The following DRAM1 variants were observed in gnomAD, a reference collection of about 807,000 sequenced individuals.
The protein encoded by DRAM1 is DNA damage-regulated autophagy modulator protein 1.
In DRAM1, 25 loss-of-function variants were observed where a neutral mutation model predicts 28.5. The ratio of observed to expected loss-of-function variants is 0.88; its 90% CI spans 0.64 to 1.23. The LOEUF (loss-of-function observed/expected upper bound fraction) is 1.23, where lower values mean the gene tolerates loss of function less well. Among genes scored for constraint, DRAM1 ranks in the 50% most tolerant of loss-of-function variants. The pLI is 0.00. For synonymous variants in DRAM1, 113 were observed against 114.2 expected (o/e 0.99, Z 0.07); for missense variants, 249 against 299.2 (o/e 0.83, Z 1.24).
intron 1 of DRAM1, among the ~76,000 whole-genome samples, chr12:101,883,834 G>A (rs1262913518): frequency 6.6e-6 from 1 of 151,262 alleles, no homozygotes; most frequent in Non-Finnish European, 1.5e-5. Context: ...TACTCAGGAG[G>A]CTGAGGCAGA....
At chr12:101,920,491 C>T (rs920702312) in intron 6 of DRAM1, among the ~76,000 whole-genome samples, 2 of 152,156 alleles carry the variant, frequency 1.3e-5, no homozygotes, top group African/African-American at 2.4e-5. Flanking sequence ...TTTAATAGCT[C>T]TCCCACCAAT....
At position 101,877,859 on chromosome 12, in the gene DRAM1, A is replaced by G. The variant is rs1178200193; in HGVS notation, c.70A>G (p.Ile24Val). 4 of 1,547,448 alleles carry G rather than the reference A, an allele frequency of 2.6e-6. No homozygotes were observed. The highest frequency in any genetic ancestry group is 3.5e-6 in the Non-Finnish European group (4 of 1,144,896). Residue 24 changes from isoleucine (I) to valine (V), a missense_variant, in exon 1 of 7, where the codon ATT (isoleucine) becomes GTT (valine). Ile to Val is a conservative substitution (Grantham distance 29). Around this residue, in one of 3 missense-constraint regions of DRAM1, gnomAD observed 218 missense variants for 243.1 expected, o/e 0.90. Transcript: ENST00000258534. This position sits in a 1 kb window ranked among gnomAD's most constrained non-coding sequence, Gnocchi z 4.1. ...GGTGACCTGGTCGTCAGCCGCCTTC[A>G]TTATCTCCTACGTGGTCGCCGTGCT... Reference protein sequence around the residue: ...LLVTWSSAAFIISYVVAVLSG... With the variant: ...LLVTWSSAAFVISYVVAVLSG...
intron 3 of DRAM1, among the ~76,000 whole-genome samples, chr12:101,907,013 A>T (rs947751760): frequency 1.3e-5 from 2 of 151,430 alleles, no homozygotes; most frequent in African/African-American, 4.9e-5. Context: ...GATGGCAGGG[A>T]CAGGGAACTT....
chr12:101,883,061 T>C (rs566991353), intron 1 of DRAM1, among the ~76,000 whole-genome samples: 8 of 151,204 alleles, frequency 5.3e-5, no homozygotes, highest in South Asian at 2.2e-4. Context: ...AATACACTTA[T>C]ATGGAAAAAT....
At position 101,886,915 on chromosome 12, in the gene DRAM1, G is replaced by T. The variant is rs563995626; in HGVS notation, c.131+8995G>T. On this transcript the variant is annotated intron_variant, in intron 1 of 6. Coordinates refer to ENST00000258534, the MANE Select transcript of DRAM1 (RefSeq NM_018370.3). ...AATCCCAGTGCTTTGGGAGGCTGAG[G>T]TGGGCGGATCACTTGAGGTCAGGAG... 8.5e-5 allele frequency among the ~76,000 whole-genome samples: 13 copies of T among 152,304 alleles called. No homozygotes were observed. The East Asian group carries it at 1.5e-3, about 18-fold the overall frequency.
chr12:101,921,294 C>T lies in DRAM1; in HGVS notation c.*34C>T, dbSNP rs375376130. 535 of 1,578,768 alleles carry T rather than the reference C, an allele frequency of 3.4e-4. No homozygotes were observed. Among genetic ancestry groups the T allele is most frequent in the Non-Finnish European group, 4.4e-4 (500 of 1,148,104 alleles). On this transcript the variant is annotated 3_prime_UTR_variant, in exon 7 of 7. Coordinates refer to ENST00000258534, the MANE Select transcript of DRAM1 (RefSeq NM_018370.3). ...GAATTCAGTCTCACTCAGTGAATGT[C>T]GCAGGCCATTTCTAAAAGTGCTACA...
intron 1 of DRAM1, among the ~76,000 whole-genome samples, chr12:101,883,675 C>T (rs571305303): frequency 1.3e-3 from 195 of 151,350 alleles, no homozygotes; most frequent in Non-Finnish European, 2.0e-3. Context: ...GGCTCACTCA[C>T]GCCTGTAATC....
At chr12:101,906,936 G>A (rs900208243) in intron 3 of DRAM1, among the ~76,000 whole-genome samples, 1 of 151,716 alleles carries the variant, frequency 6.6e-6, no homozygotes, top group African/African-American at 2.4e-5. Context: ...GTATGTACAG[G>A]GTCTGCACCA....
intron 5 of DRAM1, among the ~76,000 whole-genome samples, chr12:101,918,427 A>G (rs992646137): frequency 1.3e-5 from 2 of 152,202 alleles, no homozygotes; most frequent in Admixed American, 1.3e-4. Context: ...TACTGGTACC[A>G]GAAGGAGGAA....
At chr12:101,916,310 G>C (rs7963912) in intron 5 of DRAM1, among the ~76,000 whole-genome samples, 9,080 of 152,248 alleles carry the variant, frequency 0.06, 911 homozygotes, top group African/African-American at 0.21. Flanking sequence ...TCCAGGAGAT[G>C]AAGACCAGTC....
intron 1 of DRAM1, among the ~76,000 whole-genome samples, chr12:101,881,482 C>T (rs928134098): frequency 3.3e-5 from 5 of 152,098 alleles, no homozygotes; most frequent in Admixed American, 2.0e-4. Flanking sequence ...AGTGTGCACC[C>T]CCATGCCAGG....
chr12:101,897,761 C>A, intron 1 of DRAM1, 102 bp from the exon 2 acceptor site: 2 of 783,934 alleles, frequency 2.6e-6, no homozygotes, highest in Non-Finnish European at 4.3e-6. Context: ...AGTGGCTGAA[C>A]ACCTAAAAGA....
At chr12:101,890,896 G>A (rs950626575) in intron 1 of DRAM1, among the ~76,000 whole-genome samples, 5 of 151,930 alleles carry the variant, frequency 3.3e-5, no homozygotes, top group Middle Eastern at 3.4e-3. Flanking sequence ...GACTACAGGC[G>A]CCCGCCACCA....
intron 3 of DRAM1, among the ~76,000 whole-genome samples, chr12:101,903,999 T>G (rs1423776809): frequency 6.6e-6 from 1 of 151,956 alleles, no homozygotes; most frequent in Non-Finnish European, 1.5e-5. Context: ...ATTATTATTA[T>G]TTTTTGAGAC....
At position 101,877,703 on chromosome 12, in the gene DRAM1, G is replaced by T. The variant is rs530301841; in HGVS notation, c.-87G>T. On this transcript the variant is annotated 5_prime_UTR_variant, in exon 1 of 7. Coordinates refer to ENST00000258534, the MANE Select transcript of DRAM1 (RefSeq NM_018370.3). This position sits in a 1 kb window ranked among gnomAD's most constrained non-coding sequence, Gnocchi z 4.1. The stretch of plus-strand genomic sequence containing the variant: ...CCTCCCACCGTCCGTGAGTGTACGC[G>T]CCCGGCCGCCGCCTCCAGGCAGCCC... 1.2e-5 allele frequency: 13 copies of T among 1,108,392 alleles called. No homozygotes were observed. Among genetic ancestry groups the T allele is most frequent in the Non-Finnish European group, 1.5e-5 (13 of 874,530 alleles). 68.7% of individuals were successfully genotyped at this position (1,108,392 alleles called of 1,614,324 possible).
intron 1 of DRAM1, among the ~76,000 whole-genome samples, chr12:101,890,723 T>C (rs1873086228): frequency 6.6e-6 from 1 of 150,640 alleles, no homozygotes; most frequent in Non-Finnish European, 1.5e-5. Context: ...ATAGTTGATA[T>C]AGCTGAAGGG....
chr12:101,901,529 G>C, intron 3 of DRAM1, 96 bp downstream of exon 3: 12 of 1,391,358 alleles, frequency 8.6e-6, no homozygotes, highest in Non-Finnish European at 1.2e-5. Context: ...TGCCATTATA[G>C]CCATTAAATG....
Position 101,922,190 on chromosome 12 carries a change from G to GTTTA in DRAM1, c.*934_*937dup, listed in dbSNP as rs1874509799. On this transcript the variant is annotated 3_prime_UTR_variant, in exon 7 of 7. Transcript: ENST00000258534. ...GAAGAACTTCTGGGTTCAGGGTACTGTTTATTTGCTCCTTCTCTTCATGCC... is the reference window on the plus strand; with the variant it reads ...GAAGAACTTCTGGGTTCAGGGTACTGTTTATTTATTTGCTCCTTCTCTTCATGCC... 1 of 152,236 alleles carries GTTTA rather than the reference G, an allele frequency of 6.6e-6. No homozygotes were observed. The highest frequency in any genetic ancestry group is 2.4e-5 in the African/African-American group (1 of 41,464). 9.4% of individuals were successfully genotyped at this position (152,236 alleles called of 1,614,324 possible). A position where few individuals can be genotyped will look rare whatever the true frequency, so the allele number is the denominator to read the frequency against.
chr12:101,897,487 C>T (rs1453585487), intron 1 of DRAM1, among the ~76,000 whole-genome samples: 3 of 151,992 alleles, frequency 2.0e-5, no homozygotes, highest in Non-Finnish European at 2.9e-5. Context: ...AGGTGTGAGC[C>T]GCTGCACCCG....
Sources: allele counts gnomAD v4.1 joint callset (sites outside exome capture counted in the v4.1 genomes callset), GRCh38; gene constraint gnomAD v4.1.1; regional missense constraint gnomAD v4.1.1; non-coding constraint Gnocchi (gnomAD v3.1); transcripts MANE v1.5; gene names NCBI Gene and HGNC (gene_info 2026-07-23, HGNC 2026-07-21).